MSRA: variants seen among roughly 807,000 people sequenced by gnomAD.
MSRA encodes the protein mitochondrial peptide methionine sulfoxide reductase.
A neutral mutation model predicts 31.3 loss-of-function variants in MSRA; 54 were observed. The observed-to-expected ratio is 1.73, with a 90% CI of 1.39 to 2.17. MSRA has a LOEUF of 2.17. Ranked by LOEUF, MSRA falls within the 30% of genes most tolerant of loss-of-function variation. MSRA has a pLI of 0.00. For missense variants in MSRA, 507 were observed against 300.9 expected, an observed-to-expected ratio of 1.69 and a Z score of -5.07; for synonymous variants, 169 against 116.5, an observed-to-expected ratio of 1.45 and a Z score of -2.90.
intron 5 of MSRA, among the ~76,000 whole-genome samples, chr8:10,413,412 C>A (rs914131153): frequency 6.6e-6 from 1 of 152,166 alleles, no homozygotes; most frequent in African/African-American, 2.4e-5. Flanking sequence ...GGAACAGCAG[C>A]AGCAGAAGCA....
At chr8:10,133,024 G>C (rs1159357829) in intron 1 of MSRA, among the ~76,000 whole-genome samples, 1 of 152,158 alleles carries the variant, frequency 6.6e-6, no homozygotes, top group African/African-American at 2.4e-5. Flanking sequence ...AGTCATACAA[G>C]AGTGCCTAGA....
At chr8:10,428,008 G>A (rs1445849186) in intron 5 of MSRA, 140 bp from the exon 6 acceptor site, 3 of 810,026 alleles carry the variant, frequency 3.7e-6, no homozygotes, top group Non-Finnish European at 5.6e-6. Flanking sequence ...TTGGAATGCG[G>A]AGAGCCCGGC....
chr8:10,352,836 C>CAA (rs1804260677), intron 5 of MSRA, among the ~76,000 whole-genome samples: 2 of 152,054 alleles, frequency 1.3e-5, no homozygotes, highest in Non-Finnish European at 2.9e-5. Context: ...TCAACAACAA[C>CAA]CGGGGGAGAA....
chr8:10,177,351 GA>G (rs1168742300), intron 1 of MSRA, among the ~76,000 whole-genome samples: 1 of 152,190 alleles, frequency 6.6e-6, no homozygotes, highest in South Asian at 2.1e-4. Context: ...GGATATGGTG[GA>G]GGATAAAGAA....
intron 1 of MSRA, among the ~76,000 whole-genome samples, chr8:10,105,116 TTTGAG>T (rs1404702305): frequency 1.3e-5 from 2 of 152,236 alleles, no homozygotes; most frequent in African/African-American, 2.4e-5. Context: ...ACAGTATTCT[TTTGAG>T]TTGTTTTATT....
At chr8:10,160,904 G>A (rs1371941068) in intron 1 of MSRA, among the ~76,000 whole-genome samples, 1 of 152,182 alleles carries the variant, frequency 6.6e-6, no homozygotes, top group Non-Finnish European at 1.5e-5. Context: ...ATTTACTTAT[G>A]TTCTAGAATA....
At chr8:10,272,568 A>G (rs1426197665) in intron 3 of MSRA, among the ~76,000 whole-genome samples, 1 of 152,194 alleles carries the variant, frequency 6.6e-6, no homozygotes, top group East Asian at 1.9e-4. Context: ...TCAAATGCTA[A>G]TGTCATCCAG....
chr8:10,146,110 A>G (rs1803119533), intron 1 of MSRA, among the ~76,000 whole-genome samples: 3 of 152,206 alleles, frequency 2.0e-5, no homozygotes, highest in Non-Finnish European at 2.9e-5. Context: ...CCTGCTGTCC[A>G]GGAGTGTGTG....
chr8:10,341,651 T>C (rs1354142151), intron 5 of MSRA, among the ~76,000 whole-genome samples: 2 of 152,204 alleles, frequency 1.3e-5, no homozygotes, highest in African/African-American at 4.8e-5. Context: ...CTTAGGTACC[T>C]GTTTGAGCCT....
intron 1 of MSRA, among the ~76,000 whole-genome samples, chr8:10,126,038 T>C (rs1476378299): frequency 6.6e-6 from 1 of 152,236 alleles, no homozygotes; most frequent in Non-Finnish European, 1.5e-5. Context: ...TACTTCTCCA[T>C]CTTTAGAAGG....
chr8:10,236,842 G>A (rs1291624720), intron 2 of MSRA, among the ~76,000 whole-genome samples: 3 of 152,164 alleles, frequency 2.0e-5, no homozygotes, highest in Admixed American at 6.5e-5. Context: ...CACCATGTCT[G>A]GCCAAATGCT....
Position 10,296,394 on chromosome 8 carries a change from C to T in MSRA, c.332-5140C>T, listed in dbSNP as rs927824807. Reference sequence around the variant, plus strand: ...TCGTGTTTGTGTATGGAGAGCCTTACGCTTCCCAAATACTTTCCCACAGAT... The same window carrying T: ...TCGTGTTTGTGTATGGAGAGCCTTATGCTTCCCAAATACTTTCCCACAGAT... On this transcript the variant is annotated intron_variant, in intron 3 of 5. Transcript: ENST00000317173. 7.2e-5 allele frequency among the ~76,000 whole-genome samples: 11 copies of T among 152,158 alleles called. No homozygotes were observed. The South Asian group carries it at 1.5e-3, about 20-fold the overall frequency.
At chr8:10,330,754 G>C (rs1278886724) in intron 5 of MSRA, among the ~76,000 whole-genome samples, 1 of 152,208 alleles carries the variant, frequency 6.6e-6, no homozygotes, top group African/African-American at 2.4e-5. Flanking sequence ...CCAGTGCCTG[G>C]TGCTGTGCTT....
At chr8:10,398,549 G>C (rs970019854) in intron 5 of MSRA, among the ~76,000 whole-genome samples, 1 of 152,236 alleles carries the variant, frequency 6.6e-6, no homozygotes, top group Non-Finnish European at 1.5e-5. Context: ...GAAAAACAGA[G>C]TGCCCAGAAC....
At chr8:10,320,663 T>G (rs1176427764) in intron 5 of MSRA, among the ~76,000 whole-genome samples, 1 of 152,228 alleles carries the variant, frequency 6.6e-6, no homozygotes, top group East Asian at 1.9e-4. Flanking sequence ...CTGGTTAGTT[T>G]AAACAGCAGA....
At chr8:10,108,776 G>C (rs1483584416) in intron 1 of MSRA, among the ~76,000 whole-genome samples, 1 of 151,806 alleles carries the variant, frequency 6.6e-6, no homozygotes, top group Non-Finnish European at 1.5e-5. Flanking sequence ...CTAATGACTG[G>C]TGGTTGGTTG....
At chr8:10,390,823 A>G (rs1035594413) in intron 5 of MSRA, among the ~76,000 whole-genome samples, 1 of 152,140 alleles carries the variant, frequency 6.6e-6, no homozygotes, top group Non-Finnish European at 1.5e-5. Context: ...AAAATAAAAA[A>G]AAATTATCTG....
intron 2 of MSRA, among the ~76,000 whole-genome samples, chr8:10,216,594 C>T (rs1213416805): frequency 6.6e-6 from 1 of 152,212 alleles, no homozygotes; most frequent in African/African-American, 2.4e-5. Context: ...TCCCCCAGCC[C>T]CTGGTAACCT....
chr8:10,325,074 G>A (rs1304171207), intron 5 of MSRA, among the ~76,000 whole-genome samples: 1 of 152,166 alleles, frequency 6.6e-6, no homozygotes, highest in African/African-American at 2.4e-5. Context: ...AGAGGCAGAT[G>A]GGGCCACAGG....
Sources: allele counts gnomAD v4.1 joint callset (sites outside exome capture counted in the v4.1 genomes callset), GRCh38; gene constraint gnomAD v4.1.1; transcripts MANE v1.5; gene names NCBI Gene and HGNC (gene_info 2026-07-23, HGNC 2026-07-21).